Variants in CRBN observed in about 807,000 individuals in gnomAD.
CRBN encodes cereblon.
In CRBN, 53 loss-of-function variants were observed where a neutral mutation model predicts 62.2. That is an observed-to-expected ratio of 0.85 (90% CI 0.68 to 1.07). The LOEUF is 1.07. Ranked by LOEUF, CRBN falls within the 50% of genes least tolerant of loss-of-function variation. The pLI is 0.00. For synonymous variants in CRBN, 208 were observed against 176.1 expected, an observed-to-expected ratio of 1.18 and a Z score of -1.43; for missense variants, 616 against 531.1, an observed-to-expected ratio of 1.16 and a Z score of -1.57.
chr3:3,152,252 A>T (rs1706614211), intron 10 of CRBN, among the ~76,000 whole-genome samples: 1 of 151,458 alleles, frequency 6.6e-6, no homozygotes, highest in South Asian at 2.1e-4. Flanking sequence ...TTCCAGGTTC[A>T]AGAGATTCTT....
At chr3:3,164,676 CTCTT>C (rs1175053462) in intron 5 of CRBN, among the ~76,000 whole-genome samples, 1 of 152,180 alleles carries the variant, frequency 6.6e-6, no homozygotes, top group Non-Finnish European at 1.5e-5. Flanking sequence ...TCAGAAAAGA[CTCTT>C]TATAATTATT....
intron 3 of CRBN, 59 bp downstream of exon 3, chr3:3,174,000 G>A: frequency 7.1e-7 from 1 of 1,405,368 alleles, no homozygotes; most frequent in Non-Finnish European, 1.0e-6. Context: ...CTTCAACACT[G>A]ACCACTGCAA....
intron 5 of CRBN, among the ~76,000 whole-genome samples, chr3:3,161,076 A>G (rs942181992): frequency 1.3e-5 from 2 of 152,234 alleles, no homozygotes; most frequent in Non-Finnish European, 2.9e-5. Flanking sequence ...ATTTTTGGCT[A>G]TGATTTAGAA....
Position 3,154,044 on chromosome 3 carries a change from A to G in CRBN, c.867T>C (p.Pro289=). ...GCTGAATTCTCAATACATCATCAATAGGAAGACAAGCAGCTACTCTGTAAG... is the reference window on the plus strand; with the variant it reads ...GCTGAATTCTCAATACATCATCAATGGGAAGACAAGCAGCTACTCTGTAAG... ...DFSYRVAACL[P]IDDVLRIQLL... is the part of the protein sequence containing the mutation. Residue 289 remains proline, a synonymous_variant, in exon 8 of 11, where the codon CCT becomes CCC. Transcript: ENST00000231948. 6.2e-7 allele frequency: 1 copy of G among 1,613,382 alleles called. No individual in the cohort carries two copies. Among genetic ancestry groups the G allele is most frequent in the Non-Finnish European group, 8.5e-7 (1 of 1,179,306 alleles).
intron 10 of CRBN, 92 bp downstream of exon 10, chr3:3,152,364 A>G: frequency 7.5e-7 from 1 of 1,338,474 alleles, no homozygotes; most frequent in Non-Finnish European, 1.0e-6. Flanking sequence ...TTTTATTATA[A>G]AGATTGTGGC....
At position 3,152,602 on chromosome 3, in the gene CRBN, CAACATGGAG is replaced by C; in HGVS notation, c.1017-24_1017-16del. On this transcript the variant is annotated splice_polypyrimidine_tract_variant and intron_variant, in intron 9 of 10. Coordinates refer to ENST00000231948, the MANE Select transcript of CRBN (RefSeq NM_016302.4). ...ATAAGGATAAACTAAAACAAAGAAT[CAACATGGAG>C]AACACGTCAAAACGAGAAGTCTAAT... 1 of 1,613,860 alleles carries C rather than the reference CAACATGGAG, an allele frequency of 6.2e-7. No individual in the cohort carries two copies. Among genetic ancestry groups the C allele is most frequent in the Non-Finnish European group, 8.5e-7 (1 of 1,179,918 alleles).
In CRBN at chr3:3,156,187, T is replaced by C. The variant is rs1705789; in HGVS notation, c.750+32A>G. The C allele has an allele frequency of 0.98, 1,530,958 of 1,556,532 alleles. 755,953 individuals carry two copies. Among genetic ancestry groups the C allele is most frequent in the East Asian group, 1 (44,406 of 44,406 alleles). Reference sequence around the variant, plus strand: ...CCCTTAATTATGACATGGCCTACCATATATAAAGTAAATTTAAGGTAAGTT... The same window carrying C: ...CCCTTAATTATGACATGGCCTACCACATATAAAGTAAATTTAAGGTAAGTT... On this transcript the variant is annotated intron_variant, in intron 6 of 10. Coordinates refer to ENST00000231948, the MANE Select transcript of CRBN (RefSeq NM_016302.4).
At chr3:3,179,700 G>A, upstream of CRBN, 1 of 1,611,990 alleles carries the variant, frequency 6.2e-7, no homozygotes, top group Non-Finnish European at 8.5e-7. Flanking sequence ...CTGTTTACCC[G>A]CAAAGGAGGC....
In CRBN at chr3:3,164,168, T is replaced by C. The variant is rs548395602; in HGVS notation, c.687+3466A>G. Among the ~76,000 whole-genome samples the C allele has an allele frequency of 4.6e-5, 7 of 152,332 alleles. No homozygotes were observed. The South Asian group carries it at 1.0e-3, about 23-fold the overall frequency. On this transcript the variant is annotated intron_variant, in intron 5 of 10. Transcript: ENST00000231948. Reference sequence around the variant, plus strand: ...ACAATATTGAAACTAGGCTAATTAATAACTTTACAATGGCTTCTAAGTGCT... The same window carrying C: ...ACAATATTGAAACTAGGCTAATTAACAACTTTACAATGGCTTCTAAGTGCT...
rs1575075383 is a variant in CRBN, at chr3:3,150,765, A to ATGT, written c.*97_*99dup. On this transcript the variant is annotated 3_prime_UTR_variant, in exon 11 of 11. Transcript: ENST00000231948. ...TAATGTTATGTTTACTTAGGTATTA[A>ATGT]TGTTATGTTTACTTAGGTATGTATC... The ATGT allele has an allele frequency of 1.2e-5, 13 of 1,129,244 alleles. No individual in the cohort carries two copies. In the East Asian group the frequency reaches 3.3e-4, roughly 29 times the overall value. 70.0% of individuals were successfully genotyped at this position (1,129,244 alleles called of 1,614,324 possible).
intron 7 of CRBN, 174 bp downstream of exon 7, chr3:3,154,573 T>C: frequency 1.9e-6 from 1 of 530,608 alleles, no homozygotes; most frequent in Non-Finnish European, 3.3e-6. Flanking sequence ...TTATTGCAAT[T>C]AATTTTAAAA....
chr3:3,174,157 G>T lies in CRBN; in HGVS notation c.279C>A (p.Pro93=), dbSNP rs773279779. The change falls in exon 3 of 11, where the codon CCC becomes CCA. Residue 93 remains proline (P), a synonymous_variant. Transcript: ENST00000231948. ...AAAGCTGAAGAGGTAATGTCTGTCC[G>T]GGAATCAGGATCATCATCACTTGTG... The part of the protein sequence containing the change: ...VLPQVMMILI[P]GQTLPLQLFH... The T allele has an allele frequency of 1.1e-5, 18 of 1,614,108 alleles. No homozygotes were observed. Among genetic ancestry groups the T allele is most frequent in the Non-Finnish European group, 1.5e-5 (18 of 1,179,976 alleles).
chr3:3,162,381 A>G (rs1187869025), intron 5 of CRBN, among the ~76,000 whole-genome samples: 2 of 152,072 alleles, frequency 1.3e-5, no homozygotes, highest in African/African-American at 4.8e-5. Context: ...AAACCAGTGA[A>G]TAGAGAAAGG....
chr3:3,172,717 A>C (rs1707671176), intron 4 of CRBN, 59 bp downstream of exon 4: 2 of 1,534,830 alleles, frequency 1.3e-6, no homozygotes, highest in Non-Finnish European at 1.8e-6. Context: ...GAAAAAGTAC[A>C]AGAAAACTAT....
chr3:3,167,949 T>C (rs191431578), intron 4 of CRBN, among the ~76,000 whole-genome samples, 156 bp from the exon 5 acceptor site: 5 of 152,190 alleles, frequency 3.3e-5, no homozygotes, highest in African/African-American at 1.2e-4. Context: ...ACAGAAACTT[T>C]CAGAAAATAA....
At position 3,174,198 on chromosome 3, in the gene CRBN, C is replaced by G. The variant is rs1202909740; in HGVS notation, c.238G>C (p.Val80Leu). 6.2e-7 allele frequency: 1 copy of G among 1,614,190 alleles called. No individual in the cohort carries two copies. The highest frequency in any genetic ancestry group is 1.3e-5 in the African/African-American group (1 of 75,052). Residue 80 changes from valine (V) to leucine (L), a missense_variant, in exon 3 of 11, where the codon GTG (valine) becomes CTG (leucine). Physicochemically the swap from Val to Leu is conservative, Grantham distance 32. Coordinates refer to ENST00000231948, the MANE Select transcript of CRBN (RefSeq NM_016302.4). ...ATCACTTGTGGAAGAACTGGAATCA[C>G]CTGACAGCTGTCGTCATCGTGCAAA... ...RTLHDDDSCQ[V>L]IPVLPQVMMI... is the part of the protein sequence containing the mutation.
chr3:3,171,950 C>T (rs564515345), intron 4 of CRBN, among the ~76,000 whole-genome samples: 5 of 152,230 alleles, frequency 3.3e-5, no homozygotes, highest in South Asian at 2.1e-4. Flanking sequence ...TGAGACCTCA[C>T]GGGTGATGCC....
In CRBN at chr3:3,150,672, T is replaced by TGCTTGTTTCCTAAA; in HGVS notation, c.*179_*192dup. 1.8e-6 allele frequency: 1 copy of TGCTTGTTTCCTAAA among 565,634 alleles called. No individual in the cohort carries two copies. The highest frequency in any genetic ancestry group is 1.9e-5 in the African/African-American group (1 of 53,318). 35.0% of individuals were successfully genotyped at this position (565,634 alleles called of 1,614,324 possible). On this transcript the variant is annotated 3_prime_UTR_variant, in exon 11 of 11. Coordinates refer to ENST00000231948, the MANE Select transcript of CRBN (RefSeq NM_016302.4). The stretch of plus-strand genomic sequence containing the variant: ...TTCTGGTATTCTAGACTGCCGTTCA[T>TGCTTGTTTCCTAAA]GCTTGTTTCCTAAAGTATACTTAAA...
rs540172055 is a variant in CRBN, at chr3:3,150,243, G to C, written c.*622C>G. The C allele has an allele frequency of 6.6e-6, 1 of 152,386 alleles. No homozygotes were observed. Among genetic ancestry groups the C allele is most frequent in the Non-Finnish European group, 1.5e-5 (1 of 68,322 alleles). 9.4% of individuals were successfully genotyped at this position (152,386 alleles called of 1,614,324 possible). A position where few individuals can be genotyped will look rare whatever the true frequency, so the allele number is the denominator to read the frequency against. On this transcript the variant is annotated 3_prime_UTR_variant, in exon 11 of 11. Transcript: ENST00000231948. ...TACACAATACTACTTTTTACTAACA[G>C]GCACATAAAGGAAATGACAACTATT...
Sources: gnomAD v4.1 joint callset for allele counts (sites outside exome capture counted in the v4.1 genomes callset) on GRCh38, gnomAD v4.1.1 for gene constraint, MANE v1.5 for transcripts, NCBI Gene and HGNC (gene_info 2026-07-23, HGNC 2026-07-21) for gene names.